The following THEMIS variants were observed in gnomAD, a reference collection of about 807,000 sequenced individuals.
The protein encoded by THEMIS is thymocyte selection associated.
In THEMIS, 37 loss-of-function variants were observed where a neutral mutation model predicts 52.6. The ratio of observed to expected loss-of-function variants is 0.70; its 90% CI spans 0.54 to 0.93. THEMIS has a LOEUF of 0.93. Among genes scored for constraint, THEMIS ranks in the 40% least tolerant of loss-of-function variants. The pLI, the probability that THEMIS is intolerant of heterozygous loss-of-function variation, is 0.00. For missense variants in THEMIS, 808 were observed against 763.1 expected (o/e 1.06, Z -0.69); for synonymous variants, 292 against 272.7 (o/e 1.07, Z -0.70).
intron 4 of THEMIS, among the ~76,000 whole-genome samples, chr6:127,800,761 T>A (rs1307498629): frequency 6.6e-6 from 1 of 152,176 alleles, no homozygotes; most frequent in Non-Finnish European, 1.5e-5. Context: ...CCAGCCTACA[T>A]CTTTCTCCTG....
intron 4 of THEMIS, among the ~76,000 whole-genome samples, chr6:127,791,829 G>A (rs1194810821): frequency 2.6e-5 from 4 of 152,160 alleles, no homozygotes; most frequent in Non-Finnish European, 4.4e-5. Context: ...TGCCCCAAGC[G>A]TGCACACACC....
At chr6:127,784,280 A>G (rs1233620350) in intron 4 of THEMIS, among the ~76,000 whole-genome samples, 2 of 152,138 alleles carry the variant, frequency 1.3e-5, no homozygotes, top group African/African-American at 4.8e-5. Context: ...AGAATACCTA[A>G]TGTAGATGAT....
chr6:127,887,724 A>G (rs537660885), intron 1 of THEMIS, among the ~76,000 whole-genome samples: 1 of 152,262 alleles, frequency 6.6e-6, no homozygotes, highest in South Asian at 2.1e-4. Context: ...ATGGCAAAGA[A>G]CCCAGGCTAA....
chr6:127,855,849 A>T (rs1255238130), intron 1 of THEMIS, among the ~76,000 whole-genome samples: 2 of 151,972 alleles, frequency 1.3e-5, no homozygotes, highest in African/African-American at 4.8e-5. Flanking sequence ...TGCTACAGCT[A>T]AGTTTTCATT....
chr6:127,876,460 A>G (rs1373777849), intron 1 of THEMIS, among the ~76,000 whole-genome samples: 1 of 152,206 alleles, frequency 6.6e-6, no homozygotes, highest in Non-Finnish European at 1.5e-5. Flanking sequence ...GGTCCTGTCT[A>G]ATTCCTTTTC....
At chr6:127,725,303 A>G (rs1156981971) in intron 4 of THEMIS, among the ~76,000 whole-genome samples, 2 of 152,132 alleles carry the variant, frequency 1.3e-5, no homozygotes, top group African/African-American at 4.8e-5. Context: ...AATAAGAACA[A>G]TGACAATAAT....
At chr6:127,852,200 C>A (rs1015732450) in intron 2 of THEMIS, among the ~76,000 whole-genome samples, 2 of 151,390 alleles carry the variant, frequency 1.3e-5, no homozygotes, top group African/African-American at 4.8e-5. Flanking sequence ...ATAACAATTA[C>A]AAATACATAT....
chr6:127,829,099 C>CT (rs1778606007), intron 3 of THEMIS, among the ~76,000 whole-genome samples: 1 of 152,160 alleles, frequency 6.6e-6, no homozygotes, highest in South Asian at 2.1e-4. Context: ...ATATTTACCT[C>CT]TTTTGTTGAC....
intron 4 of THEMIS, among the ~76,000 whole-genome samples, chr6:127,798,713 G>A (rs535562478): frequency 5.3e-5 from 8 of 152,202 alleles, no homozygotes; most frequent in South Asian, 2.1e-4. Context: ...AAAGACGGCC[G>A]GGCGCGGTGG....
At chr6:127,915,188 G>GA (rs60312145) in intron 1 of THEMIS, among the ~76,000 whole-genome samples, 20,144 of 151,328 alleles carry the variant, frequency 0.13, 1,745 homozygotes, top group East Asian at 0.38. Flanking sequence ...TTCCCCTTTG[G>GA]AAAAAAAACA....
intron 1 of THEMIS, among the ~76,000 whole-genome samples, chr6:127,872,456 C>T (rs1399814382): frequency 2.0e-5 from 3 of 152,064 alleles, no homozygotes; most frequent in African/African-American, 7.2e-5. Flanking sequence ...CCTGTAATCC[C>T]AGTTACTCAG....
intron 2 of THEMIS, among the ~76,000 whole-genome samples, chr6:127,843,049 C>A (rs532012921): frequency 6.6e-6 from 1 of 152,018 alleles, no homozygotes; most frequent in East Asian, 1.9e-4. Flanking sequence ...GTAGGAAGCA[C>A]GTCCCAAAGC....
At chr6:127,752,430 C>T (rs1271625104) in intron 4 of THEMIS, among the ~76,000 whole-genome samples, 1 of 139,568 alleles carries the variant, frequency 7.2e-6, no homozygotes, top group Non-Finnish European at 1.6e-5. Flanking sequence ...AAAAAGAAGA[C>T]TCAAATAAAA....
At chr6:127,816,443 C>T (rs1282461873) in intron 3 of THEMIS, among the ~76,000 whole-genome samples, 1 of 152,168 alleles carries the variant, frequency 6.6e-6, no homozygotes, top group Non-Finnish European at 1.5e-5. Flanking sequence ...AATTAACATG[C>T]TTAAACTGAA....
intron 4 of THEMIS, among the ~76,000 whole-genome samples, chr6:127,770,963 G>A (rs1486339861): frequency 1.3e-5 from 2 of 152,030 alleles, no homozygotes; most frequent in Non-Finnish European, 2.9e-5. Flanking sequence ...ATTCAATTAG[G>A]AAAAGAGGAA....
At chr6:127,809,825 TAAA>T (rs1777839848) in intron 4 of THEMIS, among the ~76,000 whole-genome samples, 1 of 150,652 alleles carries the variant, frequency 6.6e-6, no homozygotes. Context: ...TTTAAATGTA[TAAA>T]ATAACTAATA....
chr6:127,706,763 T>C (rs954344103), downstream of THEMIS, among the ~76,000 whole-genome samples: 1 of 151,978 alleles, frequency 6.6e-6, no homozygotes. Flanking sequence ...GAAGGTAATA[T>C]GTGGATAAAG....
intron 4 of THEMIS, among the ~76,000 whole-genome samples, chr6:127,754,921 A>C (rs1161805153): frequency 6.6e-6 from 1 of 152,186 alleles, no homozygotes; most frequent in African/African-American, 2.4e-5. Context: ...ATATGTACAG[A>C]AGGTTGCATT....
At chr6:127,801,522 T>C (rs1267158709) in intron 4 of THEMIS, among the ~76,000 whole-genome samples, 1 of 152,024 alleles carries the variant, frequency 6.6e-6, no homozygotes, top group Non-Finnish European at 1.5e-5. Context: ...TGAGGACGAG[T>C]GGGAGGACCC....
Sources: allele counts gnomAD v4.1 joint callset (sites outside exome capture counted in the v4.1 genomes callset), GRCh38; gene constraint gnomAD v4.1.1; transcripts MANE v1.5; gene names NCBI Gene and HGNC (gene_info 2026-07-23, HGNC 2026-07-21).